The following TNFAIP8 variants were observed in gnomAD, a reference collection of about 807,000 sequenced individuals.
TNFAIP8 encodes tumor necrosis factor alpha-induced protein 8.
A neutral mutation model predicts 13.3 loss-of-function variants in TNFAIP8; 7 were observed. The observed-to-expected ratio is 0.52, with a 90% CI of 0.30 to 0.99. The LOEUF (loss-of-function observed/expected upper bound fraction) is 0.99. Among genes scored for constraint, TNFAIP8 ranks in the 50% least tolerant of loss-of-function variants. The pLI, the probability that TNFAIP8 is intolerant of heterozygous loss-of-function variation, is 0.07. For synonymous variants in TNFAIP8, 94 were observed against 87.6 expected (o/e 1.07, Z -0.41); for missense variants, 258 against 236.9 (o/e 1.09, Z -0.58).
chr5:119,333,972 C>G (rs1002615489), intron 1 of TNFAIP8, among the ~76,000 whole-genome samples: 11 of 152,168 alleles, frequency 7.2e-5, no homozygotes, highest in African/African-American at 2.7e-4. Context: ...CTCAGAGTTT[C>G]TCTTTTACAT....
chr5:119,359,702 T>C (rs1751562839), intron 1 of TNFAIP8, among the ~76,000 whole-genome samples: 2 of 152,246 alleles, frequency 1.3e-5, no homozygotes, highest in Admixed American at 1.3e-4. Flanking sequence ...ATATCATTCA[T>C]CACTAAGGAC....
chr5:119,292,689 C>T (rs1269263931), intron 1 of TNFAIP8, among the ~76,000 whole-genome samples: 19,947 of 33,896 alleles, frequency 0.59, 6,782 homozygotes, highest in East Asian at 0.76. Flanking sequence ...TATATATACA[C>T]ACACACACAA....
rs1244412570 is a variant in TNFAIP8, at chr5:119,356,073, G to T, written c.-18G>T. 1 of 1,579,414 alleles carries T rather than the reference G, an allele frequency of 6.3e-7. No individual in the cohort carries two copies. Among genetic ancestry groups the T allele is most frequent in the Middle Eastern group, 1.7e-4 (1 of 6,010 alleles). ...CATGTGAGCGGTAATCGCCCCTGCA[G>T]CTGGTTATCCTGACATTATGCACTC... is the stretch of plus-strand genomic sequence containing the variant. On this transcript the variant is annotated 5_prime_UTR_variant, in exon 1 of 2. Coordinates refer to ENST00000504771, the MANE Select transcript of TNFAIP8 (RefSeq NM_014350.4).
intron 1 of TNFAIP8, chr5:119,333,103 G>GT (rs74745691): frequency 0.21 from 123,065 of 597,954 alleles, 3 homozygotes; most frequent in Non-Finnish European, 0.23. Flanking sequence ...CTTTTTTTTA[G>GT]TTTTTTTTTT....
At chr5:119,386,294 G>C (rs961050319) in intron 1 of TNFAIP8, among the ~76,000 whole-genome samples, 2 of 152,062 alleles carry the variant, frequency 1.3e-5, no homozygotes, top group African/African-American at 4.8e-5. Flanking sequence ...CTTATATTTG[G>C]TTCAAGGAGG....
intron 1 of TNFAIP8, among the ~76,000 whole-genome samples, chr5:119,291,599 A>G (rs6876466): frequency 0.031 from 4,781 of 152,326 alleles, 258 homozygotes; most frequent in African/African-American, 0.11. Flanking sequence ...CACGGAGTGC[A>G]GGAAGGGCTG....
At chr5:119,337,135 T>C (rs1437478951) in intron 1 of TNFAIP8, among the ~76,000 whole-genome samples, 1 of 152,190 alleles carries the variant, frequency 6.6e-6, no homozygotes, top group Non-Finnish European at 1.5e-5. Context: ...ACATGAAATA[T>C]TTGCTTGTGG....
At chr5:119,351,911 T>G (rs911441317), upstream of TNFAIP8, among the ~76,000 whole-genome samples, 3 of 151,380 alleles carry the variant, frequency 2.0e-5, no homozygotes, top group African/African-American at 7.3e-5. Flanking sequence ...TGCCTCAGCC[T>G]CACAAGTAGC....
intron 1 of TNFAIP8, among the ~76,000 whole-genome samples, chr5:119,274,588 G>T (rs1244273713): frequency 1.3e-5 from 2 of 152,158 alleles, no homozygotes; most frequent in Non-Finnish European, 2.9e-5. Context: ...TTGCTCCTTT[G>T]CTTTTATGAC....
At position 119,393,231 on chromosome 5, in the gene TNFAIP8, C is replaced by G; in HGVS notation, c.447C>G (p.Ala149=). Residue 149 remains alanine (A), a synonymous_variant, in exon 2 of 2, where the codon GCC becomes GCG. Coordinates refer to ENST00000504771, the MANE Select transcript of TNFAIP8 (RefSeq NM_014350.4). ...LHQIIQRHLT[A]KSHGRVNNVF... Reference sequence around the variant, plus strand: ...AAATCATTCAGCGCCACCTCACTGCCAAGTCACATGGACGGGTTAATAATG... The same window carrying G: ...AAATCATTCAGCGCCACCTCACTGCGAAGTCACATGGACGGGTTAATAATG... 6.2e-7 allele frequency: 1 copy of G among 1,613,992 alleles called. No individual in the cohort carries two copies. The highest frequency in any genetic ancestry group is 8.5e-7 in the Non-Finnish European group (1 of 1,179,890).
chr5:119,287,221 C>T (rs368035167), intron 1 of TNFAIP8, among the ~76,000 whole-genome samples: 7 of 150,744 alleles, frequency 4.6e-5, no homozygotes, highest in Admixed American at 4.6e-4. Flanking sequence ...TACAGCATTC[C>T]TCCTTAGTTT....
chr5:119,341,574 T>A (rs1448527030), intron 1 of TNFAIP8, among the ~76,000 whole-genome samples: 2 of 152,182 alleles, frequency 1.3e-5, no homozygotes, highest in African/African-American at 4.8e-5. Flanking sequence ...TTTTATAGTT[T>A]CATTTATATA....
At chr5:119,306,314 C>CTTTTTTTTTTTTTTTTTTTTTTT (rs1324521590) in intron 1 of TNFAIP8, 2 of 135,932 alleles carry the variant, frequency 1.5e-5, no homozygotes, top group African/African-American at 6.8e-5. Context: ...TTCTTTCTTT[C>CTTTTTTTTTTTTTTTTTTTTTTT]TTTCTTTTTC....
Position 119,298,735 on chromosome 5 carries a change from C to A in TNFAIP8, c.1+29828C>A, listed in dbSNP as rs189407662. Among the ~76,000 whole-genome samples the A allele has an allele frequency of 2.0e-3, 298 of 152,208 alleles. 2 individuals are homozygous for A. Among genetic ancestry groups the A allele is most frequent in the Admixed American group, 4.2e-3 (64 of 15,304 alleles). ...TAGGTTCCATTCTCCCCGTCACTTT[C>A]AGGTACACCAATCTGACATAGATTT... On this transcript the variant is annotated intron_variant, in intron 1 of 1. Transcript: ENST00000274456.
chr5:119,354,037 A>T (rs1751285847), upstream of TNFAIP8, among the ~76,000 whole-genome samples: 1 of 152,166 alleles, frequency 6.6e-6, no homozygotes. Flanking sequence ...ATAGGGAGAG[A>T]GGGGCAGAAT....
intron 1 of TNFAIP8, among the ~76,000 whole-genome samples, chr5:119,320,169 G>A (rs902863797): frequency 3.3e-5 from 5 of 152,102 alleles, no homozygotes; most frequent in Admixed American, 6.5e-5. Flanking sequence ...TCAATCTAGC[G>A]ACTGTGATTT....
chr5:119,373,340 A>G (rs1043614745), intron 1 of TNFAIP8, among the ~76,000 whole-genome samples: 3 of 152,242 alleles, frequency 2.0e-5, no homozygotes, highest in African/African-American at 7.2e-5. Context: ...CACTTCATGT[A>G]CTAAGACATT....
chr5:119,271,640 CA>C (rs1748295335), intron 1 of TNFAIP8, among the ~76,000 whole-genome samples: 1 of 152,156 alleles, frequency 6.6e-6, no homozygotes, highest in Non-Finnish European at 1.5e-5. Context: ...ATTCCAGTGC[CA>C]GGGGCATTGA....
chr5:119,344,065 G>A (rs748869615), intron 1 of TNFAIP8, among the ~76,000 whole-genome samples: 6 of 152,212 alleles, frequency 3.9e-5, no homozygotes, highest in Non-Finnish European at 8.8e-5. Flanking sequence ...AGAGTGAGAA[G>A]TTGGTACTTC....
Sources: gnomAD v4.1 joint callset for allele counts (sites outside exome capture counted in the v4.1 genomes callset) on GRCh38, gnomAD v4.1.1 for gene constraint, MANE v1.5 for transcripts, NCBI Gene and HGNC (gene_info 2026-07-23, HGNC 2026-07-21) for gene names.